Variants in MCM9 observed in about 807,000 individuals in gnomAD.
MCM9 encodes the protein DNA helicase MCM9.
MCM9 carries 55 observed loss-of-function variants against 72.8 expected under a neutral mutation model. The ratio of observed to expected loss-of-function variants is 0.76; its 90% confidence interval spans 0.61 to 0.95. The LOEUF is 0.95. Among genes scored for constraint, MCM9 ranks in the 40% least tolerant of loss-of-function variants. The pLI is 0.00. For missense variants in MCM9, 1,279 were observed against 1,377.0 expected (o/e 0.93, Z 1.13); for synonymous variants, 480 against 503.4 (o/e 0.95, Z 0.62).
intron 9 of MCM9, among the ~76,000 whole-genome samples, chr6:118,845,371 T>A (rs1583414324): frequency 6.6e-6 from 1 of 151,794 alleles, no homozygotes; most frequent in East Asian, 1.9e-4. Context: ...TTACGGAGAG[T>A]TCAGTAATGT....
chr6:118,821,024 C>A lies in MCM9; in HGVS notation c.1962-4730G>T, dbSNP rs964953803. On this transcript the variant is annotated intron_variant, in intron 13 of 13. Coordinates refer to ENST00000619706, the MANE Select transcript of MCM9 (RefSeq NM_017696.3). ...TTTTGAGCCTATGTGTGTATTTGCT[C>A]GTGAGATGGGTCTCCTGAATACAGC... Among the ~76,000 whole-genome samples the A allele has an allele frequency of 2.6e-5, 4 of 152,030 alleles. 1 individual carries two copies. The highest frequency in any genetic ancestry group is 4.4e-5 in the Non-Finnish European group (3 of 68,014).
chr6:118,861,569 C>G (rs1776906542), intron 8 of MCM9, among the ~76,000 whole-genome samples: 1 of 152,216 alleles, frequency 6.6e-6, no homozygotes, highest in Non-Finnish European at 1.5e-5. Context: ...TGGGTAGCTG[C>G]TTTCCGCAGG....
intron 8 of MCM9, among the ~76,000 whole-genome samples, chr6:118,867,787 T>TA (rs1209006390): frequency 6.6e-6 from 1 of 152,164 alleles, no homozygotes; most frequent in East Asian, 1.9e-4. Flanking sequence ...ATCCCCATTG[T>TA]AAAGTGATAT....
intron 8 of MCM9, among the ~76,000 whole-genome samples, chr6:118,904,745 A>G (rs967985219): frequency 6.6e-6 from 1 of 152,252 alleles, no homozygotes; most frequent in Non-Finnish European, 1.5e-5. Context: ...AGAGCATACT[A>G]TATTGTAGAG....
intron 8 of MCM9, among the ~76,000 whole-genome samples, chr6:118,889,127 T>C (rs1267099917): frequency 6.6e-6 from 1 of 152,218 alleles, no homozygotes; most frequent in Non-Finnish European, 1.5e-5. Context: ...TGTGTAATCA[T>C]ACCAGGGGGT....
chr6:118,923,997 G>T lies in MCM9; in HGVS notation c.435C>A (p.Tyr145Ter). The T allele has an allele frequency of 6.2e-7, 1 of 1,614,168 alleles. No individual in the cohort carries two copies. Among genetic ancestry groups the T allele is most frequent in the Non-Finnish European group, 8.5e-7 (1 of 1,180,028 alleles). ...ACACATGCTTGCATTTGTTACACAT[G>T]TAATCCCGCTCAAACTCCAGAACCT... The part of the protein sequence containing the change: ...LVKVLEFERD[Y>*]MCNKCKHVFV... The change falls in exon 4 of 14, where the codon TAC becomes TAA. Residue 145 changes from tyrosine (Y) to a stop codon, truncating the protein, a stop_gained. Coordinates refer to ENST00000619706, the MANE Select transcript of MCM9 (RefSeq NM_017696.3). LOFTEE classifies it high-confidence loss of function.
chr6:118,894,571 G>T, intron 8 of MCM9: 1 of 1,454,140 alleles, frequency 6.9e-7, no homozygotes. Context: ...GGCTGCAGAC[G>T]TTGAAAGTTT....
chr6:118,915,271 C>G (rs767180961), intron 6 of MCM9, among the ~76,000 whole-genome samples: 9 of 152,196 alleles, frequency 5.9e-5, no homozygotes, highest in Non-Finnish European at 8.8e-5. Flanking sequence ...TACCCCCATC[C>G]TCACCTCCCT....
At chr6:118,868,611 G>A (rs533017397) in intron 8 of MCM9, among the ~76,000 whole-genome samples, 2 of 152,258 alleles carry the variant, frequency 1.3e-5, no homozygotes, top group South Asian at 4.1e-4. Context: ...CAAAGGATAT[G>A]AACAGACACT....
intron 9 of MCM9, among the ~76,000 whole-genome samples, chr6:118,850,702 A>C (rs1406705309): frequency 1.3e-5 from 2 of 151,866 alleles, no homozygotes; most frequent in Admixed American, 6.5e-5. Flanking sequence ...TGTTTGATCT[A>C]TTGGAAGCAT....
chr6:118,838,470 T>G (rs1315246001), intron 9 of MCM9, among the ~76,000 whole-genome samples: 3 of 151,918 alleles, frequency 2.0e-5, no homozygotes, highest in African/African-American at 7.3e-5. Context: ...TTTTGTATTT[T>G]TATTAGAGAC....
chr6:118,853,668 A>T (rs749497516), intron 9 of MCM9, among the ~76,000 whole-genome samples: 2 of 152,138 alleles, frequency 1.3e-5, no homozygotes, highest in Admixed American at 6.5e-5. Flanking sequence ...AGCCAGGCAT[A>T]GTGGTGCGTC....
intron 9 of MCM9, among the ~76,000 whole-genome samples, chr6:118,835,412 T>C (rs140954373): frequency 1.9e-3 from 295 of 152,368 alleles, no homozygotes; most frequent in African/African-American, 6.9e-3. Flanking sequence ...TTGATGGGGA[T>C]AGAATTGAAT....
intron 9 of MCM9, among the ~76,000 whole-genome samples, chr6:118,847,523 A>C (rs1319946767): frequency 6.6e-6 from 1 of 151,768 alleles, no homozygotes; most frequent in East Asian, 1.9e-4. Flanking sequence ...GAGAGGAATA[A>C]AAATAGCCAA....
intron 9 of MCM9, among the ~76,000 whole-genome samples, chr6:118,846,595 T>A (rs978666671): frequency 6.6e-6 from 1 of 151,626 alleles, no homozygotes; most frequent in Non-Finnish European, 1.5e-5. Context: ...CCGGAGTAGA[T>A]AGAGGAGACC....
At chr6:118,908,760 T>C (rs1318580908) in intron 8 of MCM9, 3 of 152,602 alleles carry the variant, frequency 2.0e-5, no homozygotes, top group Non-Finnish European at 2.9e-5. Context: ...AATTTTCTTA[T>C]GCTCCATAAA....
chr6:118,832,379 A>G (rs1218603390), intron 9 of MCM9, among the ~76,000 whole-genome samples: 1 of 152,124 alleles, frequency 6.6e-6, no homozygotes, highest in African/African-American at 2.4e-5. Context: ...TGTCCTACTA[A>G]ATGTGGTCTT....
intron 9 of MCM9, among the ~76,000 whole-genome samples, chr6:118,841,594 T>G (rs1466131473): frequency 6.6e-6 from 1 of 152,194 alleles, no homozygotes; most frequent in Non-Finnish European, 1.5e-5. Flanking sequence ...TCTAATTAAG[T>G]AGGCTTGCAC....
At chr6:118,895,539 G>A (rs1779334412) in intron 8 of MCM9, among the ~76,000 whole-genome samples, 1 of 151,286 alleles carries the variant, frequency 6.6e-6, no homozygotes, top group Non-Finnish European at 1.5e-5. Context: ...AAACACAAAC[G>A]TAGGCTAGGA....
Sources: allele counts gnomAD v4.1 joint callset (sites outside exome capture counted in the v4.1 genomes callset), GRCh38; gene constraint gnomAD v4.1.1; transcripts MANE v1.5; gene names NCBI Gene and HGNC (gene_info 2026-07-23, HGNC 2026-07-21).